ZZZ3: variants seen among roughly 807,000 people sequenced by gnomAD.
The protein encoded by ZZZ3 is zinc finger ZZ-type containing 3, also known as ZZ-type zinc finger-containing protein 3.
A neutral mutation model predicts 95.2 loss-of-function variants in ZZZ3; 22 were observed. That is an observed-to-expected ratio of 0.23 (90% CI 0.17 to 0.33). The LOEUF (loss-of-function observed/expected upper bound fraction) is 0.33, where lower values mean the gene tolerates loss of function less well. Among genes scored for constraint, ZZZ3 ranks in the 10% least tolerant of loss-of-function variants. The pLI, the probability that ZZZ3 is intolerant of heterozygous loss-of-function variation, is 1.00. For synonymous variants in ZZZ3, 335 were observed against 358.9 expected, an observed-to-expected ratio of 0.93 and a Z score of 0.75; for missense variants, 885 against 1,066.5, an observed-to-expected ratio of 0.83 and a Z score of 2.37.
intron 5 of ZZZ3, among the ~76,000 whole-genome samples, chr1:77,591,351 T>C (rs1004985697): frequency 5.3e-5 from 8 of 152,140 alleles, no homozygotes; most frequent in African/African-American, 1.7e-4. Context: ...TCCCTCTTCG[T>C]TCTTTTCTTT....
chr1:77,618,233 CTTTTTTTTTTT>C (rs10597366), intron 5 of ZZZ3, among the ~76,000 whole-genome samples: 18 of 81,068 alleles, frequency 2.2e-4, no homozygotes, highest in South Asian at 1.1e-3. Context: ...CCAATGCAGC[CTTTTTTTTTTT>C]TTTTTTTTTT....
At chr1:77,674,374 T>C (rs1253811624) in intron 1 of ZZZ3, among the ~76,000 whole-genome samples, 1 of 152,174 alleles carries the variant, frequency 6.6e-6, no homozygotes, top group Non-Finnish European at 1.5e-5. Context: ...ACATACTGTA[T>C]AAATCCTAGG....
intron 1 of ZZZ3, among the ~76,000 whole-genome samples, chr1:77,665,147 T>C (rs905409571): frequency 1.5e-4 from 23 of 152,154 alleles, no homozygotes; most frequent in African/African-American, 5.5e-4. Flanking sequence ...GCAATAGAGT[T>C]AAAAAGCAAT....
At chr1:77,611,271 A>T (rs2100732283) in intron 5 of ZZZ3, among the ~76,000 whole-genome samples, 1 of 150,530 alleles carries the variant, frequency 6.6e-6, no homozygotes, top group Admixed American at 6.6e-5. Context: ...GCAAAAAAAC[A>T]CAAAAACTCT....
intron 5 of ZZZ3, among the ~76,000 whole-genome samples, chr1:77,598,261 GAATAT>G (rs1018156637): frequency 1.3e-5 from 2 of 151,992 alleles, no homozygotes; most frequent in Non-Finnish European, 2.9e-5. Flanking sequence ...CTAGAGAACA[GAATAT>G]GTTATTCAGA....
intron 5 of ZZZ3, among the ~76,000 whole-genome samples, chr1:77,593,564 G>A (rs2100631271): frequency 6.6e-6 from 1 of 152,218 alleles, no homozygotes; most frequent in Admixed American, 6.5e-5. Context: ...TTTACCTCTG[G>A]GAAGAGGAAA....
chr1:77,651,243 G>A (rs530732859), intron 1 of ZZZ3, among the ~76,000 whole-genome samples: 2 of 152,042 alleles, frequency 1.3e-5, no homozygotes, highest in African/African-American at 2.4e-5. Context: ...ACATTAGTTG[G>A]GCGTAGTGGT....
chr1:77,663,931 G>A (rs867482540), intron 1 of ZZZ3, among the ~76,000 whole-genome samples: 31 of 151,780 alleles, frequency 2.0e-4, no homozygotes, highest in African/African-American at 7.5e-4. Flanking sequence ...TGCATTTTTA[G>A]TAGAGACGGG....
At chr1:77,589,607 G>A (rs899837114) in intron 5 of ZZZ3, among the ~76,000 whole-genome samples, 1 of 151,572 alleles carries the variant, frequency 6.6e-6, no homozygotes, top group African/African-American at 2.4e-5. Flanking sequence ...AGCGAATTTT[G>A]TTCTCTGGGG....
upstream of ZZZ3, among the ~76,000 whole-genome samples, chr1:77,682,885 C>T (rs1396719930): frequency 6.6e-6 from 1 of 152,184 alleles, no homozygotes; most frequent in Non-Finnish European, 1.5e-5. Flanking sequence ...TCTTAAAAAC[C>T]TCCGATTACC....
chr1:77,608,977 G>T (rs11162368), intron 5 of ZZZ3, among the ~76,000 whole-genome samples: 87,784 of 151,758 alleles, frequency 0.58, 27,661 homozygotes, highest in Non-Finnish European at 0.71. Context: ...ACGAAGAGAG[G>T]ACCACAAAAC....
intron 1 of ZZZ3, among the ~76,000 whole-genome samples, chr1:77,677,660 G>T (rs991689141): frequency 6.6e-6 from 1 of 152,114 alleles, no homozygotes; most frequent in African/African-American, 2.4e-5. Flanking sequence ...CAAGAAACAT[G>T]TATAAATATG....
At chr1:77,584,862 C>T (rs1400691427) in intron 5 of ZZZ3, 1 of 347,354 alleles carries the variant, frequency 2.9e-6, no homozygotes, top group African/African-American at 2.1e-5. Context: ...AAAGCAAAGC[C>T]TTCTTCCCCC....
At chr1:77,658,426 T>G (rs1424980951) in intron 1 of ZZZ3, among the ~76,000 whole-genome samples, 1 of 151,700 alleles carries the variant, frequency 6.6e-6, no homozygotes, top group South Asian at 2.1e-4. Context: ...ACTGCAGCCT[T>G]GATCTCCCGG....
chr1:77,586,496 T>C (rs1033157399), intron 5 of ZZZ3, among the ~76,000 whole-genome samples: 1 of 152,144 alleles, frequency 6.6e-6, no homozygotes, highest in African/African-American at 2.4e-5. Context: ...TTTGTTAGGT[T>C]TGGAGCAAAC....
intron 5 of ZZZ3, among the ~76,000 whole-genome samples, chr1:77,602,019 G>T (rs1664782243): frequency 6.6e-6 from 1 of 152,168 alleles, no homozygotes; most frequent in African/African-American, 2.4e-5. Context: ...GCAGCTTAAT[G>T]AAAGTGAAAA....
At chr1:77,569,166 G>A (rs920894186) in intron 12 of ZZZ3, among the ~76,000 whole-genome samples, 9 of 152,166 alleles carry the variant, frequency 5.9e-5, no homozygotes, top group South Asian at 2.1e-4. Flanking sequence ...GCAAAAGCCT[G>A]TCTCTACTAA....
intron 5 of ZZZ3, among the ~76,000 whole-genome samples, chr1:77,622,265 C>G (rs1271531109): frequency 6.6e-6 from 1 of 151,578 alleles, no homozygotes; most frequent in Non-Finnish European, 1.5e-5. Flanking sequence ...CTAGACTGTG[C>G]CACTGCACTA....
chr1:77,574,621 T>C (rs1476887267), intron 12 of ZZZ3, among the ~76,000 whole-genome samples: 1 of 151,888 alleles, frequency 6.6e-6, no homozygotes, highest in East Asian at 1.9e-4. Flanking sequence ...AGGCAGGAAA[T>C]ATACAAGATG....
Sources: gnomAD v4.1 joint callset for allele counts (sites outside exome capture counted in the v4.1 genomes callset) on GRCh38, gnomAD v4.1.1 for gene constraint, MANE v1.5 for transcripts, NCBI Gene and HGNC (gene_info 2026-07-23, HGNC 2026-07-21) for gene names.